ZFHX3: variants seen among roughly 807,000 people sequenced by gnomAD.
ZFHX3 encodes zinc finger homeobox 3.
ZFHX3 carries 42 observed loss-of-function variants against 279.1 expected under a neutral mutation model. That is an observed-to-expected ratio of 0.15 (90% CI 0.12 to 0.19). The LOEUF is 0.19. Among genes scored for constraint, ZFHX3 ranks in the 10% least tolerant of loss-of-function variants. The pLI is 1.00. For missense variants in ZFHX3, 4,981 were observed against 4,754.0 expected (o/e 1.05, Z -1.40); for synonymous variants, 2,293 against 1,957.8 (o/e 1.17, Z -4.52).
intron 6 of ZFHX3, chr16:73,143,669 T>C (rs185888848): frequency 1.1e-5 from 11 of 1,021,014 alleles, no homozygotes; most frequent in African/African-American, 5.0e-5. Context: ...TGTCCTTGTC[T>C]GGCTGGTTAG....
chr16:73,586,172 T>G (rs1394521245), intron 2 of ZFHX3, among the ~76,000 whole-genome samples: 2 of 152,062 alleles, frequency 1.3e-5, no homozygotes, highest in African/African-American at 4.8e-5. Flanking sequence ...GAGGATCACC[T>G]GAGGTCAGGA....
chr16:73,529,699 A>G (rs1400381499), intron 2 of ZFHX3, among the ~76,000 whole-genome samples: 1 of 152,216 alleles, frequency 6.6e-6, no homozygotes, highest in African/African-American at 2.4e-5. Flanking sequence ...CTGTAAATTT[A>G]CACCTTCACC....
chr16:73,580,420 G>A (rs907114946), intron 2 of ZFHX3, among the ~76,000 whole-genome samples: 4 of 151,914 alleles, frequency 2.6e-5, no homozygotes, highest in African/African-American at 9.7e-5. Context: ...AGAGGTTGCA[G>A]TGAGCCAAGA....
intron 1 of ZFHX3, among the ~76,000 whole-genome samples, chr16:73,844,854 ATAGGTAGGTAGG>A (rs34481608): frequency 1.3e-5 from 2 of 150,824 alleles, no homozygotes; most frequent in South Asian, 2.1e-4. Flanking sequence ...TGATAGATGG[ATAGGTAGGTAGG>A]TAGGTAGGTA....
intron 4 of ZFHX3, among the ~76,000 whole-genome samples, chr16:72,887,830 G>T (rs539146836): frequency 8.1e-4 from 124 of 152,158 alleles, no homozygotes; most frequent in Non-Finnish European, 1.5e-3. Flanking sequence ...GGCTGTGTAT[G>T]TGAGCGTGGA....
At chr16:73,569,405 T>C (rs2051711613) in intron 2 of ZFHX3, among the ~76,000 whole-genome samples, 1 of 151,046 alleles carries the variant, frequency 6.6e-6, no homozygotes, top group Admixed American at 6.6e-5. Context: ...TTAATTTCTC[T>C]CCCCTGCCCT....
intron 5 of ZFHX3, among the ~76,000 whole-genome samples, chr16:73,245,819 T>C (rs1293279244): frequency 6.6e-6 from 1 of 152,008 alleles, no homozygotes; most frequent in Non-Finnish European, 1.5e-5. Context: ...TCTTAGTAAT[T>C]GAAGAAGTGA....
chr16:73,497,505 C>T (rs1201052269), intron 2 of ZFHX3, among the ~76,000 whole-genome samples: 1 of 151,992 alleles, frequency 6.6e-6, no homozygotes, highest in Admixed American at 6.6e-5. Context: ...CCAATCTCTA[C>T]AAAAAATTTT....
At chr16:73,604,936 T>C (rs1371912984) in intron 2 of ZFHX3, among the ~76,000 whole-genome samples, 5 of 152,206 alleles carry the variant, frequency 3.3e-5, no homozygotes, top group Admixed American at 1.3e-4. Context: ...TTCACCTATG[T>C]GTTTTCTGTT....
chr16:73,786,705 G>A lies in ZFHX3; in HGVS notation c.-1608+104946C>T, dbSNP rs551602103. ...ATTCCATGGGTGCCTGATACCCCAA[G>A]TCAGAGCCTGTTCAGCCTCTCCAAA... On this transcript the variant is annotated intron_variant, in intron 1 of 17. Transcript: ENST00000641206. Among the ~76,000 whole-genome samples, 4 of 152,346 alleles carry A rather than the reference G, an allele frequency of 2.6e-5. No homozygotes were observed. The East Asian group carries it at 7.7e-4, about 29-fold the overall frequency.
chr16:72,976,529 G>C (rs568365077), intron 1 of ZFHX3, among the ~76,000 whole-genome samples: 1 of 152,248 alleles, frequency 6.6e-6, no homozygotes, highest in South Asian at 2.1e-4. Context: ...CCCTCCTGTC[G>C]ATACAGACTC....
intron 2 of ZFHX3, among the ~76,000 whole-genome samples, chr16:73,668,315 T>G (rs2052866506): frequency 6.6e-6 from 1 of 152,178 alleles, no homozygotes; most frequent in Non-Finnish European, 1.5e-5. Flanking sequence ...TCTTTTTTTT[T>G]TTAATTATAC....
intron 4 of ZFHX3, among the ~76,000 whole-genome samples, chr16:73,258,646 C>G (rs1597248280): frequency 6.6e-6 from 1 of 152,188 alleles, no homozygotes; most frequent in East Asian, 1.9e-4. Flanking sequence ...CCGCACCCGG[C>G]CACTATGACA....
chr16:73,841,537 C>T (rs1961308693), intron 1 of ZFHX3, among the ~76,000 whole-genome samples: 1 of 152,084 alleles, frequency 6.6e-6, no homozygotes, highest in African/African-American at 2.4e-5. Flanking sequence ...ACTTCAGCAC[C>T]AGTGACAGCA....
At chr16:73,049,238 G>A (rs894932693), upstream of ZFHX3, among the ~76,000 whole-genome samples, 2 of 152,116 alleles carry the variant, frequency 1.3e-5, no homozygotes, top group African/African-American at 4.8e-5. Context: ...ATTTACTCCC[G>A]ATTCTCACAG....
At chr16:73,262,544 T>C (rs1015845109) in intron 4 of ZFHX3, among the ~76,000 whole-genome samples, 4 of 151,790 alleles carry the variant, frequency 2.6e-5, no homozygotes, top group Non-Finnish European at 4.4e-5. Context: ...TATGTGTCTC[T>C]TATTTTCCAG....
chr16:73,051,882 T>TAGG (rs758247696), upstream of ZFHX3, among the ~76,000 whole-genome samples: 2 of 152,238 alleles, frequency 1.3e-5, no homozygotes, highest in Non-Finnish European at 2.9e-5. Context: ...GCAAGACTTT[T>TAGG]AAACACAGGG....
chr16:73,784,413 A>T (rs560092709), intron 1 of ZFHX3, among the ~76,000 whole-genome samples: 20 of 152,240 alleles, frequency 1.3e-4, no homozygotes, highest in Admixed American at 1.2e-3. Flanking sequence ...TGACCAAAAA[A>T]GAAAAAAGAA....
chr16:73,682,848 GAAAGAGAAAGAAAGAA>G, intron 1 of ZFHX3, among the ~76,000 whole-genome samples: 1 of 103,686 alleles, frequency 9.6e-6, no homozygotes, highest in Non-Finnish European at 1.9e-5. Flanking sequence ...GAGAAAAAAA[GAAAGAGAAAGAAAGAA>G]AGAAAGAAAG....
Sources: allele counts gnomAD v4.1 joint callset (sites outside exome capture counted in the v4.1 genomes callset), GRCh38; gene constraint gnomAD v4.1.1; transcripts MANE v1.5; gene names NCBI Gene and HGNC (gene_info 2026-07-23, HGNC 2026-07-21).